NALF1: variants seen among roughly 807,000 people sequenced by gnomAD.
NALF1 encodes the protein NALCN channel auxiliary factor 1, also known as family with sequence similarity 155 member A.
Under a neutral mutation model 48.4 loss-of-function variants are expected in NALF1, and 3 were observed. The ratio of observed to expected loss-of-function variants is 0.06; its 90% CI spans 0.03 to 0.16. The LOEUF (loss-of-function observed/expected upper bound fraction) is 0.16. Among genes scored for constraint, NALF1 ranks in the 10% least tolerant of loss-of-function variants. The probability of loss-of-function intolerance (pLI) is 1.00; values close to 1 mark genes in which losing one functional copy is unlikely to be tolerated. For synonymous variants in NALF1, 262 were observed against 245.7 expected (o/e 1.07, Z -0.62); for missense variants, 526 against 571.5 (o/e 0.92, Z 0.81).
chr13:107,269,840 C>T (rs1021126492), intron 1 of NALF1, among the ~76,000 whole-genome samples: 6 of 150,660 alleles, frequency 4.0e-5, no homozygotes, highest in Admixed American at 6.6e-5. Flanking sequence ...CTCCGCCTCC[C>T]GGGTTCACGC....
At chr13:107,205,534 T>A (rs995912162) in intron 2 of NALF1, among the ~76,000 whole-genome samples, 1 of 151,988 alleles carries the variant, frequency 6.6e-6, no homozygotes, top group African/African-American at 2.4e-5. Context: ...CTCAACCGCC[T>A]GTCAAGTAAG....
Position 107,458,573 on chromosome 13 carries a change from A to T in NALF1, c.916-247818T>A, listed in dbSNP as rs188035615. The stretch of plus-strand genomic sequence containing the variant: ...TCCTCAGGGAGTGATGGGAAACGAG[A>T]GAGAAGCAGGCGAGCACAAGGTGAG... On this transcript the variant is annotated intron_variant, in intron 1 of 2. Coordinates refer to ENST00000375915, the MANE Select transcript of NALF1 (RefSeq NM_001080396.3). Among the ~76,000 whole-genome samples the T allele has an allele frequency of 6.6e-5, 10 of 152,312 alleles. No individual in the cohort carries two copies. In the East Asian group the frequency reaches 1.9e-3, roughly 29 times the overall value.
chr13:107,209,533 C>T (rs554641303), intron 2 of NALF1, among the ~76,000 whole-genome samples: 2 of 152,020 alleles, frequency 1.3e-5, no homozygotes, highest in Non-Finnish European at 2.9e-5. Context: ...TCATCCAGTT[C>T]TTAGGGCGAG....
chr13:107,307,760 A>C (rs967927966), intron 1 of NALF1, among the ~76,000 whole-genome samples: 4 of 152,148 alleles, frequency 2.6e-5, no homozygotes, highest in African/African-American at 9.7e-5. Flanking sequence ...TTGCGGCACT[A>C]AAGACAATTC....
At chr13:107,596,399 T>C (rs969299628) in intron 1 of NALF1, among the ~76,000 whole-genome samples, 4 of 152,146 alleles carry the variant, frequency 2.6e-5, no homozygotes, top group African/African-American at 9.7e-5. Context: ...CTATTCACAA[T>C]AGCAATGAAT....
intron 1 of NALF1, among the ~76,000 whole-genome samples, chr13:107,538,837 C>T (rs1043772945): frequency 3.9e-5 from 6 of 152,198 alleles, no homozygotes; most frequent in African/African-American, 7.2e-5. Flanking sequence ...TATTTATAAA[C>T]GGTCCAGCAT....
At chr13:107,765,821 A>G (rs1258696055) in intron 1 of NALF1, among the ~76,000 whole-genome samples, 1 of 152,210 alleles carries the variant, frequency 6.6e-6, no homozygotes, top group Non-Finnish European at 1.5e-5. Context: ...TAGATTTTGA[A>G]GATTCTGAAG....
At chr13:107,441,922 G>C (rs567843494) in intron 1 of NALF1, among the ~76,000 whole-genome samples, 2 of 152,294 alleles carry the variant, frequency 1.3e-5, no homozygotes, top group Admixed American at 6.5e-5. Context: ...ATGAGGAGGA[G>C]GCTGAGACAG....
chr13:107,197,010 G>C (rs1171651681), intron 2 of NALF1, among the ~76,000 whole-genome samples: 1 of 152,096 alleles, frequency 6.6e-6, no homozygotes. Flanking sequence ...GGGGCCTTTG[G>C]AAGGGACTTA....
rs114053638 is a variant in NALF1, at chr13:107,552,449, A to G, written c.915+313233T>C. The stretch of plus-strand genomic sequence containing the variant: ...ATTAGGAAAACGCACAGCTAATTTA[A>G]TAGAATTTCCTTCTTTACAGGGGAG... On this transcript the variant is annotated intron_variant, in intron 1 of 2. Coordinates refer to ENST00000375915, the MANE Select transcript of NALF1 (RefSeq NM_001080396.3). Among the ~76,000 whole-genome samples, 235 of 152,310 alleles carry G rather than the reference A, an allele frequency of 1.5e-3. 1 individual carries two copies. Among genetic ancestry groups the G allele is most frequent in the African/African-American group, 5.4e-3 (224 of 41,582 alleles).
intron 1 of NALF1, among the ~76,000 whole-genome samples, chr13:107,379,641 C>T (rs775851590): frequency 5.3e-5 from 8 of 152,142 alleles, no homozygotes; most frequent in Non-Finnish European, 1.2e-4. Flanking sequence ...GCTCAGGACT[C>T]CAGGAGTCCT....
chr13:107,172,696 T>C (rs563269807), intron 2 of NALF1, among the ~76,000 whole-genome samples: 1 of 152,320 alleles, frequency 6.6e-6, no homozygotes, highest in African/African-American at 2.4e-5. Flanking sequence ...TATTGAAATA[T>C]ACGTTTCCAA....
chr13:107,666,616 A>AT (rs1880864309), intron 1 of NALF1, among the ~76,000 whole-genome samples: 1 of 152,116 alleles, frequency 6.6e-6, no homozygotes, highest in African/African-American at 2.4e-5. Flanking sequence ...TTGACTGTTA[A>AT]TTGTGGTCCT....
At chr13:107,668,323 T>C (rs1401206598) in intron 1 of NALF1, among the ~76,000 whole-genome samples, 1 of 152,086 alleles carries the variant, frequency 6.6e-6, no homozygotes, top group East Asian at 1.9e-4. Context: ...TCCCTGATCC[T>C]TTCTTTCCTT....
chr13:107,557,177 G>T (rs1212216059), intron 1 of NALF1, among the ~76,000 whole-genome samples: 1 of 152,120 alleles, frequency 6.6e-6, no homozygotes, highest in East Asian at 1.9e-4. Flanking sequence ...GGTTTGTTAG[G>T]TGTTTCCTTG....
intron 1 of NALF1, among the ~76,000 whole-genome samples, chr13:107,662,824 A>G (rs1880764326): frequency 6.6e-6 from 1 of 152,208 alleles, no homozygotes; most frequent in Middle Eastern, 3.2e-3. Context: ...CAGAGGCTCA[A>G]TGAACATGTT....
chr13:107,842,338 T>C (rs1880064893), intron 1 of NALF1, among the ~76,000 whole-genome samples: 1 of 152,030 alleles, frequency 6.6e-6, no homozygotes, highest in Non-Finnish European at 1.5e-5. Context: ...AAAGAAATAG[T>C]GTGTTTATTA....
At chr13:107,559,878 T>C (rs1307413642) in intron 1 of NALF1, among the ~76,000 whole-genome samples, 1 of 152,080 alleles carries the variant, frequency 6.6e-6, no homozygotes, top group Non-Finnish European at 1.5e-5. Flanking sequence ...CAACGTGAAA[T>C]ATATCGCTAT....
At chr13:107,517,723 G>A (rs776478990) in intron 1 of NALF1, among the ~76,000 whole-genome samples, 3 of 152,090 alleles carry the variant, frequency 2.0e-5, no homozygotes, top group African/African-American at 4.8e-5. Flanking sequence ...GGGAGTCTGA[G>A]GCAGGTGGAT....
Sources: allele counts gnomAD v4.1 joint callset (sites outside exome capture counted in the v4.1 genomes callset), GRCh38; gene constraint gnomAD v4.1.1; transcripts MANE v1.5; gene names NCBI Gene and HGNC (gene_info 2026-07-23, HGNC 2026-07-21).